Variants in SLC71A2 observed in about 807,000 individuals in gnomAD.
SLC71A2 encodes the protein hippocampus abundant transcript-like 1.
chr9:94,385,474 A>G, the SLC71A2 span, among the ~76,000 whole-genome samples: 1 of 152,138 alleles, frequency 6.6e-6, no homozygotes, highest in East Asian at 1.9e-4. Context: ...CTATTACCAA[A>G]TCCAAGATTT....
At chr9:94,381,993 A>G in the SLC71A2 span, among the ~76,000 whole-genome samples, 2 of 149,866 alleles carry the variant, frequency 1.3e-5, no homozygotes, top group African/African-American at 4.9e-5. Context: ...GTGCTTCCCT[A>G]TGGCTAGTGG....
At chr9:94,434,609 C>T in the SLC71A2 span, among the ~76,000 whole-genome samples, 10 of 152,182 alleles carry the variant, frequency 6.6e-5, no homozygotes, top group African/African-American at 2.4e-4. Flanking sequence ...GCCACTGTGT[C>T]CAGCAAAGAC....
chr9:94,456,770 A>G, the SLC71A2 span, among the ~76,000 whole-genome samples: 1 of 152,148 alleles, frequency 6.6e-6, no homozygotes, highest in African/African-American at 2.4e-5. Flanking sequence ...AAATAGTTTG[A>G]GAGTAGTAAG....
chr9:94,396,537 A>C, the SLC71A2 span, among the ~76,000 whole-genome samples: 3 of 152,126 alleles, frequency 2.0e-5, no homozygotes, highest in African/African-American at 7.2e-5. Context: ...AAGTAAAATG[A>C]AAACAAAGTG....
chr9:94,443,503 A>C, the SLC71A2 span, among the ~76,000 whole-genome samples: 1 of 151,968 alleles, frequency 6.6e-6, no homozygotes, highest in Admixed American at 6.6e-5. Context: ...TTTCAGGGCT[A>C]CGGCAATGAT....
the SLC71A2 span, among the ~76,000 whole-genome samples, chr9:94,420,575 T>C: frequency 1.3e-5 from 2 of 151,954 alleles, no homozygotes; most frequent in African/African-American, 4.8e-5. Flanking sequence ...TTTTTTCTTG[T>C]AGATATTGGG....
chr9:94,407,495 C>T, the SLC71A2 span, among the ~76,000 whole-genome samples: 1 of 151,866 alleles, frequency 6.6e-6, no homozygotes, highest in Non-Finnish European at 1.5e-5. Context: ...TTTCTGGCCT[C>T]CGTCACCTGA....
the SLC71A2 span, chr9:94,460,190 T>TA: frequency 6.6e-6 from 1 of 152,546 alleles, no homozygotes; most frequent in Non-Finnish European, 1.5e-5. Flanking sequence ...GGTGGCAACA[T>TA]AGAGATTGTA....
At chr9:94,456,800 TG>T in the SLC71A2 span, among the ~76,000 whole-genome samples, 3 of 152,344 alleles carry the variant, frequency 2.0e-5, no homozygotes, top group South Asian at 4.1e-4. Flanking sequence ...GTGTGGTTGT[TG>T]ATAGATGTTG....
chr9:94,436,960 T>C, the SLC71A2 span, among the ~76,000 whole-genome samples: 5 of 152,278 alleles, frequency 3.3e-5, no homozygotes, highest in African/African-American at 7.2e-5. Context: ...GTAGAGAAGA[T>C]AGACAAATAA....
the SLC71A2 span, among the ~76,000 whole-genome samples, chr9:94,384,165 C>T: frequency 6.6e-6 from 1 of 152,096 alleles, no homozygotes; most frequent in Non-Finnish European, 1.5e-5. Context: ...TTGCCATCCT[C>T]CCATTCCCTG....
At chr9:94,422,742 G>A in the SLC71A2 span, among the ~76,000 whole-genome samples, 3 of 152,102 alleles carry the variant, frequency 2.0e-5, no homozygotes, top group African/African-American at 7.2e-5. Context: ...TTGGCCATGT[G>A]AATATCTTTT....
At chr9:94,432,953 C>T in the SLC71A2 span, 4 of 388,760 alleles carry the variant, frequency 1.0e-5, no homozygotes, top group South Asian at 2.1e-5. Context: ...ATCAGGAATC[C>T]GGATACCTTG....
chr9:94,378,564 C>T, the SLC71A2 span, among the ~76,000 whole-genome samples: 1 of 151,980 alleles, frequency 6.6e-6, no homozygotes, highest in South Asian at 2.1e-4. Flanking sequence ...GGAGGCGCCA[C>T]TGCACTCCAC....
chr9:94,455,799 GCTCT>G, the SLC71A2 span, among the ~76,000 whole-genome samples: 1 of 152,206 alleles, frequency 6.6e-6, no homozygotes, highest in Non-Finnish European at 1.5e-5. Context: ...GGCACACCAT[GCTCT>G]CTCTGTTGAG....
chr9:94,378,662 A>G, the SLC71A2 span, among the ~76,000 whole-genome samples: 1 of 152,070 alleles, frequency 6.6e-6, no homozygotes, highest in Non-Finnish European at 1.5e-5. Flanking sequence ...GCGAGGACTC[A>G]CTCATTACTG....
the SLC71A2 span, among the ~76,000 whole-genome samples, chr9:94,400,136 G>C: frequency 6.6e-6 from 1 of 151,902 alleles, no homozygotes; most frequent in African/African-American, 2.4e-5. Flanking sequence ...TTTTTATTTA[G>C]GTGTTGCCTA....
At chr9:94,420,726 C>T in the SLC71A2 span, among the ~76,000 whole-genome samples, 23 of 151,568 alleles carry the variant, frequency 1.5e-4, no homozygotes, top group Admixed American at 2.6e-4. Context: ...TAGTGAATCC[C>T]CGTCTCTACT....
At chr9:94,418,701 A>G in the SLC71A2 span, among the ~76,000 whole-genome samples, 2 of 151,760 alleles carry the variant, frequency 1.3e-5, no homozygotes, top group African/African-American at 4.8e-5. Flanking sequence ...TGGCCTCCCA[A>G]AGTGCTGAGA....
Sources: allele counts gnomAD v4.1 joint callset (sites outside exome capture counted in the v4.1 genomes callset), GRCh38; gene constraint gnomAD v4.1.1; transcripts MANE v1.5; gene names NCBI Gene and HGNC (gene_info 2026-07-23, HGNC 2026-07-21).